Variants in ATP2B4 observed in about 807,000 individuals in gnomAD.
ATP2B4 encodes plasma membrane calcium-transporting ATPase 4.
Under a neutral mutation model 110.3 loss-of-function variants are expected in ATP2B4, and 39 were observed. The observed-to-expected ratio is 0.35, with a 90% CI of 0.27 to 0.46. ATP2B4 has a LOEUF of 0.46. Ranked by LOEUF, ATP2B4 falls within the 20% of genes least tolerant of loss-of-function variation. ATP2B4 has a pLI of 1.00. For synonymous variants in ATP2B4, 538 were observed against 571.7 expected, an observed-to-expected ratio of 0.94 and a Z score of 0.84; for missense variants, 1,135 against 1,530.9, an observed-to-expected ratio of 0.74 and a Z score of 4.32.
At chr1:203,722,357 C>T in intron 17 of ATP2B4, 121 bp from the exon 18 acceptor site, 1 of 784,852 alleles carries the variant, frequency 1.3e-6, no homozygotes, top group Non-Finnish European at 2.1e-6. Context: ...ACTAGTGCAG[C>T]TCAGATATTG....
chr1:203,676,624 CAA>C (rs981647558), intron 1 of ATP2B4, among the ~76,000 whole-genome samples: 4 of 152,152 alleles, frequency 2.6e-5, no homozygotes, highest in African/African-American at 4.8e-5. Context: ...CTGCTGGAAA[CAA>C]GAGAGAGAAT....
intron 3 of ATP2B4, 67 bp from the exon 4 acceptor site, chr1:203,699,393 C>A: frequency 6.3e-7 from 1 of 1,584,070 alleles, no homozygotes; most frequent in Non-Finnish European, 8.6e-7. Flanking sequence ...ATTGTGGAAG[C>A]ACTACTCCTA....
intron 20 of ATP2B4, 50 bp downstream of exon 20, chr1:203,727,621 T>G: frequency 6.2e-7 from 1 of 1,604,760 alleles, no homozygotes; most frequent in Non-Finnish European, 8.5e-7. Flanking sequence ...GCTTCCCATC[T>G]TGGAAGGTGT....
At chr1:203,638,783 T>C (rs1300618499) in intron 1 of ATP2B4, among the ~76,000 whole-genome samples, 1 of 152,210 alleles carries the variant, frequency 6.6e-6, no homozygotes, top group African/African-American at 2.4e-5. Flanking sequence ...TGAGGTCATG[T>C]GCTAGGAGCA....
chr1:203,702,564 C>G (rs771231208), intron 7 of ATP2B4, among the ~76,000 whole-genome samples: 1 of 152,138 alleles, frequency 6.6e-6, no homozygotes, highest in Non-Finnish European at 1.5e-5. Flanking sequence ...TGGAGAGAGC[C>G]CTTTCTCTGT....
chr1:203,727,953 A>G (rs1666573973), intron 20 of ATP2B4, among the ~76,000 whole-genome samples: 1 of 152,192 alleles, frequency 6.6e-6, no homozygotes, highest in Non-Finnish European at 1.5e-5. Flanking sequence ...GGAGTTAGAC[A>G]ATATCAATAT....
chr1:203,653,980 TATATA>T (rs1243886961), intron 1 of ATP2B4, among the ~76,000 whole-genome samples: 6,579 of 26,736 alleles, frequency 0.25, 256 homozygotes, highest in Middle Eastern at 0.36. Flanking sequence ...TATATATATA[TATATA>T]TTTTTTTTTT....
chr1:203,682,763 C>G lies in ATP2B4; in HGVS notation c.-443C>G, dbSNP rs898452490. On this transcript the variant is annotated 5_prime_UTR_variant, in exon 2 of 21. The change creates a new upstream start codon in the 5' untranslated region. Transcript: ENST00000357681. ...CCAGAGATCCAGTTGTCATCGGTAT[C>G]CAGGAAGCTCTCCTCTTCCTCCTCC... 1 of 154,268 alleles carries G rather than the reference C, an allele frequency of 6.5e-6. No homozygotes were observed. Among genetic ancestry groups the G allele is most frequent in the Non-Finnish European group, 1.4e-5 (1 of 69,522 alleles). 9.6% of individuals were successfully genotyped at this position (154,268 alleles called of 1,614,324 possible). A position where few individuals can be genotyped will look rare whatever the true frequency, so the allele number is the denominator to read the frequency against.
chr1:203,657,599 A>G (rs903725330), intron 1 of ATP2B4: 20 of 975,000 alleles, frequency 2.1e-5, no homozygotes, highest in Middle Eastern at 3.1e-4. Flanking sequence ...GTTTAAGGTA[A>G]AGCTTAGCCT....
chr1:203,709,202 A>G, intron 10 of ATP2B4, 99 bp from the exon 11 acceptor site: 2 of 1,473,014 alleles, frequency 1.4e-6, no homozygotes, highest in East Asian at 2.3e-5. Flanking sequence ...AGCTCCAGGT[A>G]TATAATGTGA....
intron 1 of ATP2B4, among the ~76,000 whole-genome samples, chr1:203,644,466 G>A (rs1198739312): frequency 6.6e-6 from 1 of 152,136 alleles, no homozygotes; most frequent in Non-Finnish European, 1.5e-5. Context: ...CAGACTGGAA[G>A]TTGGGAAACC....
chr1:203,721,626 C>A lies in ATP2B4; in HGVS notation c.2812+216C>A, dbSNP rs577046976. Among the ~76,000 whole-genome samples the A allele has an allele frequency of 2.7e-5, 4 of 150,562 alleles. No homozygotes were observed. The East Asian group carries it at 7.8e-4, about 29-fold the overall frequency. On this transcript the variant is annotated intron_variant, in intron 17 of 20. Transcript: ENST00000357681. ...GTACTGTGTGTACTCAAGAATTTCACAAGGGAGGCTTTATTATTTCTTTCT... is the reference window on the plus strand; with the variant it reads ...GTACTGTGTGTACTCAAGAATTTCAAAAGGGAGGCTTTATTATTTCTTTCT...
intron 9 of ATP2B4, 103 bp downstream of exon 9, chr1:203,707,326 C>T (rs1665878301): frequency 2.5e-6 from 3 of 1,203,122 alleles, no homozygotes; most frequent in Admixed American, 2.5e-5. Flanking sequence ...CATCTATAAA[C>T]TTTGGCTGGT....
intron 1 of ATP2B4, among the ~76,000 whole-genome samples, chr1:203,666,069 T>C (rs1046943193): frequency 1.3e-5 from 2 of 152,178 alleles, no homozygotes; most frequent in African/African-American, 4.8e-5. Flanking sequence ...CCTACCTGCT[T>C]TGAGAAGGTG....
At chr1:203,662,178 C>A (rs1664358376) in intron 1 of ATP2B4, among the ~76,000 whole-genome samples, 1 of 152,082 alleles carries the variant, frequency 6.6e-6, no homozygotes, top group African/African-American at 2.4e-5. Context: ...TGCCTGCCAC[C>A]ACGCCCGACT....
chr1:203,725,904 C>CTTTTTTTTTTTTTTTT (rs756184004), intron 19 of ATP2B4, among the ~76,000 whole-genome samples: 6 of 93,378 alleles, frequency 6.4e-5, no homozygotes, highest in East Asian at 3.2e-4. Flanking sequence ...CTTTTCTTTT[C>CTTTTTTTTTTTTTTTT]TTTTTTTTTT....
At chr1:203,631,342 A>C (rs1663259588) in intron 1 of ATP2B4, among the ~76,000 whole-genome samples, 1 of 152,230 alleles carries the variant, frequency 6.6e-6, no homozygotes, top group South Asian at 2.1e-4. Flanking sequence ...AGTTTCATGC[A>C]CAAATCCCTG....
chr1:203,680,058 C>A (rs1342276807), intron 1 of ATP2B4, among the ~76,000 whole-genome samples: 1 of 39,002 alleles, frequency 2.6e-5, no homozygotes, highest in Non-Finnish European at 6.1e-5. Flanking sequence ...GAGACTCTTT[C>A]TCAAAAAAAA....
At position 203,709,165 on chromosome 1, in the gene ATP2B4, A is replaced by T. The variant is rs184714813; in HGVS notation, c.1558-136A>T. The T allele has an allele frequency of 6.7e-6, 5 of 743,738 alleles. No individual in the cohort carries two copies. In the Admixed American group the frequency reaches 1.8e-4, roughly 27 times the overall value. 46.1% of individuals were successfully genotyped at this position (743,738 alleles called of 1,614,324 possible). On this transcript the variant is annotated intron_variant, in intron 10 of 20. Transcript: ENST00000357681. ...GAGCGAGACTCCATCTCCAAAAAAG[A>T]AAAAAAAAAATGTTATTTCCCCTAT...
Sources: gnomAD v4.1 joint callset for allele counts (sites outside exome capture counted in the v4.1 genomes callset) on GRCh38, gnomAD v4.1.1 for gene constraint, MANE v1.5 for transcripts, NCBI Gene and HGNC (gene_info 2026-07-23, HGNC 2026-07-21) for gene names.